PPP3CA: variants seen among roughly 807,000 people sequenced by gnomAD.
The protein encoded by PPP3CA is protein phosphatase 3 catalytic subunit alpha, also known as CAM-PRP catalytic subunit.
Under a neutral mutation model 66.5 loss-of-function variants are expected in PPP3CA, and 14 were observed. That is an observed-to-expected ratio of 0.21 (90% CI 0.14 to 0.33). The LOEUF (loss-of-function observed/expected upper bound fraction) is 0.33, where lower values mean the gene tolerates loss of function less well. PPP3CA is among the 10% of genes least tolerant of loss of function. The pLI is 1.00. For missense variants in PPP3CA, 317 were observed against 639.5 expected, an observed-to-expected ratio of 0.50 and a Z score of 5.44; for synonymous variants, 232 against 226.2, an observed-to-expected ratio of 1.03 and a Z score of -0.23.
chr4:101,171,812 T>C (rs1427951580), intron 2 of PPP3CA, among the ~76,000 whole-genome samples: 6 of 152,160 alleles, frequency 3.9e-5, no homozygotes, highest in East Asian at 3.9e-4. Context: ...CACAAATATA[T>C]GCAATTGTGT....
intron 1 of PPP3CA, among the ~76,000 whole-genome samples, chr4:101,202,821 G>A (rs946269346): frequency 3.3e-5 from 5 of 151,966 alleles, no homozygotes; most frequent in African/African-American, 7.3e-5. Flanking sequence ...TAATTTACTG[G>A]GTTTTTTTCC....
chr4:101,029,347 T>TAAAAAACAAAAAAAAAAAAAAAAAAAAA (rs1726816873), intron 12 of PPP3CA, 152 bp from the exon 13 acceptor site: 1 of 78,822 alleles, frequency 1.3e-5, no homozygotes, highest in Non-Finnish European at 2.1e-5. Context: ...ACAGAAATGC[T>TAAAAAACAAAAAAAAAAAAAAAAAAAAA]AAAAAAAAAA....
intron 2 of PPP3CA, among the ~76,000 whole-genome samples, chr4:101,178,430 C>T (rs572910258): frequency 1.3e-5 from 2 of 152,182 alleles, no homozygotes; most frequent in South Asian, 4.1e-4. Flanking sequence ...CTTACCTTTA[C>T]ATCTGAAATT....
intron 1 of PPP3CA, among the ~76,000 whole-genome samples, chr4:101,269,927 G>C (rs574908716): frequency 5.3e-5 from 8 of 152,050 alleles, no homozygotes; most frequent in Admixed American, 5.3e-4. Context: ...TAAAATGTTG[G>C]TTAACCCATG....
At chr4:101,325,124 A>G (rs1729171328) in intron 1 of PPP3CA, among the ~76,000 whole-genome samples, 1 of 152,222 alleles carries the variant, frequency 6.6e-6, no homozygotes, top group Admixed American at 6.5e-5. Flanking sequence ...GTCTAATTTA[A>G]TTGTTCAGGG....
intron 1 of PPP3CA, among the ~76,000 whole-genome samples, chr4:101,314,434 G>C (rs1728822979): frequency 6.6e-6 from 1 of 151,768 alleles, no homozygotes; most frequent in African/African-American, 2.4e-5. Flanking sequence ...CATGGTGGCG[G>C]GCACCTGTAG....
At chr4:101,164,167 C>G (rs142631546) in intron 2 of PPP3CA, among the ~76,000 whole-genome samples, 1 of 74,382 alleles carries the variant, frequency 1.3e-5, no homozygotes, top group East Asian at 3.9e-4. Context: ...ATCTCCTCTC[C>G]TTCTCAATGA....
intron 2 of PPP3CA, among the ~76,000 whole-genome samples, chr4:101,145,705 A>AT (rs1293539944): frequency 6.6e-6 from 1 of 152,154 alleles, no homozygotes; most frequent in Non-Finnish European, 1.5e-5. Flanking sequence ...ATAATTAATT[A>AT]TTTCTTACCC....
At chr4:101,159,869 A>G (rs1474691566) in intron 2 of PPP3CA, among the ~76,000 whole-genome samples, 1 of 152,090 alleles carries the variant, frequency 6.6e-6, no homozygotes, top group African/African-American at 2.4e-5. Flanking sequence ...CCTGAAATAC[A>G]TACATCAAAA....
rs1347287272 is a variant in PPP3CA at position 101,024,879 on chromosome 4, G to A, written c.*986C>T. The A allele has an allele frequency of 6.6e-6, 1 of 151,508 alleles. No individual in the cohort carries two copies. The highest frequency in any genetic ancestry group is 2.4e-5 in the African/African-American group (1 of 41,050). 9.4% of individuals were successfully genotyped at this position (151,508 alleles called of 1,614,324 possible). A position where few individuals can be genotyped will look rare whatever the true frequency, so the allele number is the denominator to read the frequency against. On this transcript the variant is annotated 3_prime_UTR_variant, in exon 14 of 14. Coordinates refer to ENST00000394854, the MANE Select transcript of PPP3CA (RefSeq NM_000944.5). Reference sequence around the variant, plus strand: ...TTTCCAGTATATGTCAGACCACTAAGCGCATTACAGTCCCATACAGGCCGA... The same window carrying A: ...TTTCCAGTATATGTCAGACCACTAAACGCATTACAGTCCCATACAGGCCGA...
Position 101,163,175 on chromosome 4 carries a change from G to A in PPP3CA, c.259+32741C>T, listed in dbSNP as rs182364806. Among the ~76,000 whole-genome samples, 82 of 152,248 alleles carry A rather than the reference G, an allele frequency of 5.4e-4. 1 individual carries two copies. Among genetic ancestry groups the A allele is most frequent in the African/African-American group, 1.9e-3 (79 of 41,512 alleles). ...GTTACAGCTTTGGCAGGCATTTCCT[G>A]CATTTGTGCATGGCAGTTTCCTGGA... On this transcript the variant is annotated intron_variant, in intron 2 of 13. Coordinates refer to ENST00000394854, the MANE Select transcript of PPP3CA (RefSeq NM_000944.5).
chr4:101,236,583 T>A (rs373883162), intron 1 of PPP3CA, among the ~76,000 whole-genome samples: 1 of 151,992 alleles, frequency 6.6e-6, no homozygotes, highest in East Asian at 1.9e-4. Flanking sequence ...ATGGGAGTAA[T>A]GGCCAGTCCT....
At chr4:101,221,347 T>C (rs1301593195) in intron 1 of PPP3CA, among the ~76,000 whole-genome samples, 1 of 151,652 alleles carries the variant, frequency 6.6e-6, no homozygotes, top group Non-Finnish European at 1.5e-5. Flanking sequence ...TCTATCCCTA[T>C]GAATTGCTTA....
intron 8 of PPP3CA, among the ~76,000 whole-genome samples, chr4:101,076,358 G>A (rs183139441): frequency 1.0e-4 from 15 of 150,676 alleles, no homozygotes; most frequent in Admixed American, 4.6e-4. Context: ...TGCCTACCAC[G>A]TACAAGGCAT....
At chr4:101,227,804 A>G (rs191710647) in intron 1 of PPP3CA, among the ~76,000 whole-genome samples, 1 of 151,834 alleles carries the variant, frequency 6.6e-6, no homozygotes, top group African/African-American at 2.4e-5. Flanking sequence ...ACTTATGAGA[A>G]CATGCAGTAT....
chr4:101,027,950 A>C (rs1422953637), intron 13 of PPP3CA, among the ~76,000 whole-genome samples: 2 of 152,212 alleles, frequency 1.3e-5, no homozygotes, highest in Non-Finnish European at 2.9e-5. Flanking sequence ...CAGAAACCAC[A>C]GAAAACAGCC....
chr4:101,164,654 A>C (rs1723633738), intron 2 of PPP3CA, among the ~76,000 whole-genome samples: 1 of 151,350 alleles, frequency 6.6e-6, no homozygotes. Flanking sequence ...TGATTATGAA[A>C]TAACCATTGA....
At chr4:101,333,241 G>A (rs1303953669) in intron 1 of PPP3CA, among the ~76,000 whole-genome samples, 5 of 141,798 alleles carry the variant, frequency 3.5e-5, no homozygotes, top group East Asian at 2.1e-4. Flanking sequence ...AGCAGCAGCT[G>A]GGACTACAGG....
intron 2 of PPP3CA, among the ~76,000 whole-genome samples, chr4:101,175,377 C>A (rs537636768): frequency 6.6e-6 from 1 of 152,180 alleles, no homozygotes; most frequent in African/African-American, 2.4e-5. Context: ...AATTCTTGTA[C>A]CTTGTTAGCT....
Sources: gnomAD v4.1 joint callset for allele counts (sites outside exome capture counted in the v4.1 genomes callset) on GRCh38, gnomAD v4.1.1 for gene constraint, MANE v1.5 for transcripts, NCBI Gene and HGNC (gene_info 2026-07-23, HGNC 2026-07-21) for gene names.